PLEKHM2: variants seen among roughly 807,000 people sequenced by gnomAD.
PLEKHM2 encodes pleckstrin homology domain-containing family M member 2.
PLEKHM2 carries 77 observed loss-of-function variants against 116.3 expected under a neutral mutation model. The observed-to-expected ratio is 0.66, with a 90% CI of 0.55 to 0.80. PLEKHM2 has a LOEUF of 0.80. Ranked by LOEUF, PLEKHM2 falls within the 30% of genes least tolerant of loss-of-function variation. The probability of loss-of-function intolerance (pLI) is 0.00; values close to 1 mark genes in which losing one functional copy is unlikely to be tolerated. For missense variants in PLEKHM2, 1,183 were observed against 1,354.9 expected, an observed-to-expected ratio of 0.87 and a Z score of 1.99; for synonymous variants, 562 against 571.0, an observed-to-expected ratio of 0.98 and a Z score of 0.22.
rs757006625 is a variant in PLEKHM2 at position 15,728,149 on chromosome 1, G to A, written c.1830+1G>A. The A allele has an allele frequency of 6.2e-7, 1 of 1,610,590 alleles. No homozygotes were observed. Among genetic ancestry groups the A allele is most frequent in the Non-Finnish European group, 8.5e-7 (1 of 1,178,210 alleles). On this transcript the variant is annotated splice_donor_variant, in intron 10 of 19. Coordinates refer to ENST00000375799, the MANE Select transcript of PLEKHM2 (RefSeq NM_015164.4). LOFTEE classifies it high-confidence loss of function. The surrounding 1 kb of genome is among the most constrained non-coding windows in gnomAD (Gnocchi z 5.9). ...AGAAAACGAAGAGCAGCTGTTCAAA[G>A]TAAGTCCTAGGAACTCAGGAGTGAG...
At chr1:15,716,192 C>T in intron 1 of PLEKHM2, 45 bp from the exon 2 acceptor site, 1 of 1,194,838 alleles carries the variant, frequency 8.4e-7, no homozygotes, top group Non-Finnish European at 1.2e-6. Flanking sequence ...TTGTAGCCTT[C>T]CTCTTAATCC....
chr1:15,730,162 AG>A (rs1319401705), intron 14 of PLEKHM2, among the ~76,000 whole-genome samples: 5 of 152,312 alleles, frequency 3.3e-5, no homozygotes, highest in African/African-American at 1.2e-4. Flanking sequence ...CTCGCTCGGC[AG>A]GGCACAGTGG....
intron 16 of PLEKHM2, 33 bp downstream of exon 16, chr1:15,731,290 G>C: frequency 6.6e-7 from 1 of 1,504,448 alleles, no homozygotes; most frequent in South Asian, 1.2e-5. Context: ...GTGTATCCTG[G>C]GGCCCAGAGC....
Position 15,727,998 on chromosome 1 carries a change from AC to A in PLEKHM2, c.1761-76del. 2.3e-6 allele frequency: 3 copies of A among 1,291,362 alleles called. No individual in the cohort carries two copies. The highest frequency in any genetic ancestry group is 2.5e-5 in the South Asian group (2 of 79,464). 80.0% of individuals were successfully genotyped at this position (1,291,362 alleles called of 1,614,324 possible). On this transcript the variant is annotated intron_variant, in intron 9 of 19. Coordinates refer to ENST00000375799, the MANE Select transcript of PLEKHM2 (RefSeq NM_015164.4). The surrounding 1 kb of genome is among the most constrained non-coding windows in gnomAD (Gnocchi z 7.5). Reference sequence around the variant, plus strand: ...GCTCCTAGTGGGAGGCGGAGGCACTACCCCCTGGCTCTGGGGTGGGGTGTGG... The same window carrying A: ...GCTCCTAGTGGGAGGCGGAGGCACTACCCCTGGCTCTGGGGTGGGGTGTGG...
At chr1:15,726,662 G>C (rs961008490) in intron 8 of PLEKHM2, among the ~76,000 whole-genome samples, 24 of 152,216 alleles carry the variant, frequency 1.6e-4, no homozygotes, top group Non-Finnish European at 5.9e-5. Flanking sequence ...CTGAGTGGAG[G>C]GGGCATTGCC....
rs759430810 is a variant in PLEKHM2 at position 15,730,598 on chromosome 1, G to C, written c.2275G>C (p.Gly759Arg). 6.2e-7 allele frequency: 1 copy of C among 1,606,352 alleles called. No homozygotes were observed. Among genetic ancestry groups the C allele is most frequent in the Non-Finnish European group, 8.5e-7 (1 of 1,177,152 alleles). The change falls in exon 15 of 20, where the codon GGC becomes CGC. Residue 759 changes from glycine (G) to arginine (R), a missense_variant. By Grantham distance (125) the Gly-to-Arg change is moderately radical. Transcript: ENST00000375799. ...HWEDPTDESL[G>R]PTPCHCSPPE... ...GGAGGACCCCACAGACGAGTCCCTG[G>C]GCCCCACGCCCTGCCACTGCTCACC...
chr1:15,726,860 C>T (rs1374307969), intron 8 of PLEKHM2, among the ~76,000 whole-genome samples, 154 bp from the exon 9 acceptor site: 1 of 152,136 alleles, frequency 6.6e-6, no homozygotes, highest in Non-Finnish European at 1.5e-5. Flanking sequence ...TGTCCTCTGA[C>T]CCAGTGCCTC....
chr1:15,709,052 C>A (rs1641278301), intron 1 of PLEKHM2, among the ~76,000 whole-genome samples: 3 of 152,116 alleles, frequency 2.0e-5, no homozygotes, highest in Admixed American at 6.6e-5. Flanking sequence ...TGCCCAAGGT[C>A]ACACAGTGAA....
chr1:15,722,378 A>G (rs2148364245), intron 7 of PLEKHM2, among the ~76,000 whole-genome samples: 1 of 152,310 alleles, frequency 6.6e-6, no homozygotes, highest in East Asian at 1.9e-4. Flanking sequence ...TCCTGACCTC[A>G]GGTGATCCAC....
rs753669151 is a variant in PLEKHM2 at position 15,728,818 on chromosome 1, C to T, written c.1986+85C>T. 51 of 1,232,500 alleles carry T rather than the reference C, an allele frequency of 4.1e-5. 1 individual carries two copies. The highest frequency in any genetic ancestry group is 2.2e-4 in the Middle Eastern group (1 of 4,524). The allele number at this position is 1,232,500 out of a possible 1,614,324, so 76.3% of individuals were successfully genotyped here. ...ACCCATAGAACTGCAGGGCGAGGCA[C>T]GGCCCCTTACTCCCCTCCCGGGGTT... On this transcript the variant is annotated intron_variant, in intron 12 of 19. Coordinates refer to ENST00000375799, the MANE Select transcript of PLEKHM2 (RefSeq NM_015164.4). This position sits in a 1 kb window ranked among gnomAD's most constrained non-coding sequence, Gnocchi z 5.9.
chr1:15,681,713 T>C (rs1315909807), upstream of PLEKHM2: 4 of 409,702 alleles, frequency 9.8e-6, no homozygotes, highest in Admixed American at 1.1e-4. Flanking sequence ...AGTAGGAGGC[T>C]ATTTCTACTC....
Position 15,733,785 on chromosome 1 carries a change from G to T in PLEKHM2, c.2923-12G>T. On this transcript the variant is annotated splice_polypyrimidine_tract_variant and intron_variant, in intron 19 of 19. Coordinates refer to ENST00000375799, the MANE Select transcript of PLEKHM2 (RefSeq NM_015164.4). ...AGTGGCCCTCATCTGTTCTCTGCACGCCCCAACACAGGTGGACCTCCCCCA... is the reference window on the plus strand; with the variant it reads ...AGTGGCCCTCATCTGTTCTCTGCACTCCCCAACACAGGTGGACCTCCCCCA... 6.2e-7 allele frequency: 1 copy of T among 1,611,704 alleles called. No homozygotes were observed. Among genetic ancestry groups the T allele is most frequent in the Non-Finnish European group, 8.5e-7 (1 of 1,179,194 alleles).
At chr1:15,693,093 G>A (rs1409609762) in intron 1 of PLEKHM2, among the ~76,000 whole-genome samples, 1 of 140,136 alleles carries the variant, frequency 7.1e-6, no homozygotes, top group Non-Finnish European at 1.5e-5. Context: ...CAGGCTGTAG[G>A]GCAGTGGCGC....
intron 1 of PLEKHM2, among the ~76,000 whole-genome samples, chr1:15,690,123 G>A (rs1437770860): frequency 1.3e-5 from 2 of 151,444 alleles, no homozygotes; most frequent in Admixed American, 6.6e-5. Context: ...CTGGAGTGCA[G>A]TGGCATGATC....
intron 1 of PLEKHM2, among the ~76,000 whole-genome samples, chr1:15,715,026 C>T (rs868113089): frequency 6.6e-6 from 1 of 152,216 alleles, no homozygotes; most frequent in Admixed American, 6.5e-5. Flanking sequence ...GTTCATCTCA[C>T]CTACTGTCCA....
intron 1 of PLEKHM2, among the ~76,000 whole-genome samples, chr1:15,701,538 C>T (rs6678473): frequency 0.19 from 28,260 of 152,108 alleles, 2,744 homozygotes; most frequent in Middle Eastern, 0.24. Context: ...GCCTGTAATC[C>T]CAGCACTTTG....
chr1:15,713,971 T>C (rs1393878998), intron 1 of PLEKHM2, among the ~76,000 whole-genome samples: 1 of 141,454 alleles, frequency 7.1e-6, no homozygotes, highest in Non-Finnish European at 1.5e-5. Context: ...AGACAGAGTC[T>C]CACTCTGCTG....
intron 7 of PLEKHM2, 138 bp from the exon 8 acceptor site, chr1:15,725,179 C>T (rs1156465061): frequency 2.5e-5 from 16 of 636,188 alleles, no homozygotes; most frequent in South Asian, 7.5e-5. Context: ...GGCTTCTACT[C>T]GAAATGGGGC....
Position 15,732,597 on chromosome 1 carries a change from C to A in PLEKHM2, c.2806-15C>A, listed in dbSNP as rs1210099268. On this transcript the variant is annotated splice_polypyrimidine_tract_variant and intron_variant, in intron 18 of 19. Coordinates refer to ENST00000375799, the MANE Select transcript of PLEKHM2 (RefSeq NM_015164.4). ...AAAGCTCTGGCTGCTCACCCGGGGG[C>A]CTGGCTCTCCCTAGGAGTTCTCCCA... The A allele has an allele frequency of 1.3e-6, 2 of 1,596,234 alleles. No homozygotes were observed. Among genetic ancestry groups the A allele is most frequent in the African/African-American group, 2.7e-5 (2 of 74,574 alleles).
Sources: gnomAD v4.1 joint callset for allele counts (sites outside exome capture counted in the v4.1 genomes callset) on GRCh38, gnomAD v4.1.1 for gene constraint, Gnocchi (gnomAD v3.1) non-coding constraint, MANE v1.5 for transcripts, NCBI Gene and HGNC (gene_info 2026-07-23, HGNC 2026-07-21) for gene names.